The following CDH18 variants were observed in gnomAD, a reference collection of about 807,000 sequenced individuals.
CDH18 encodes the protein cadherin 18.
A neutral mutation model predicts 67.9 loss-of-function variants in CDH18; 31 were observed. The ratio of observed to expected loss-of-function variants is 0.46; its 90% CI spans 0.34 to 0.62. CDH18 has a LOEUF of 0.62. CDH18 is among the 20% of genes least tolerant of loss of function. CDH18 has a pLI of 0.01. For synonymous variants in CDH18, 362 were observed against 347.2 expected, an observed-to-expected ratio of 1.04 and a Z score of -0.48; for missense variants, 890 against 975.5, an observed-to-expected ratio of 0.91 and a Z score of 1.17.
At chr5:20,477,602 G>C (rs1373429708) in intron 1 of CDH18, among the ~76,000 whole-genome samples, 1 of 152,188 alleles carries the variant, frequency 6.6e-6, no homozygotes, top group Non-Finnish European at 1.5e-5. Flanking sequence ...CCTAGACAGA[G>C]GGGACTCTCC....
chr5:20,352,204 G>T (rs997924315), intron 1 of CDH18, among the ~76,000 whole-genome samples: 4 of 152,104 alleles, frequency 2.6e-5, no homozygotes, highest in Non-Finnish European at 5.9e-5. Context: ...CTTTCTTCTT[G>T]CTTGTCTTCC....
At chr5:19,969,911 C>T in intron 2 of CDH18, among the ~76,000 whole-genome samples, 1 of 152,012 alleles carries the variant, frequency 6.6e-6, no homozygotes, top group East Asian at 1.9e-4. Context: ...GTAATATAAA[C>T]ATTTAAAAAT....
intron 1 of CDH18, among the ~76,000 whole-genome samples, chr5:20,460,541 A>T (rs554641175): frequency 6.6e-6 from 1 of 152,268 alleles, no homozygotes; most frequent in East Asian, 1.9e-4. Flanking sequence ...TGTGCACACC[A>T]TTCTAGGCAG....
chr5:20,137,068 GCTCT>G (rs1561820083), intron 2 of CDH18, among the ~76,000 whole-genome samples: 1 of 152,016 alleles, frequency 6.6e-6, no homozygotes, highest in Non-Finnish European at 1.5e-5. Flanking sequence ...TCTTGGAGTT[GCTCT>G]TCTCAAGGAG....
intron 1 of CDH18, among the ~76,000 whole-genome samples, chr5:20,271,923 G>A (rs200001194): frequency 2.5e-5 from 2 of 81,348 alleles, no homozygotes; most frequent in Non-Finnish European, 2.7e-5. Context: ...CTGTAGAGAG[G>A]CAGAGAGAGA....
At chr5:20,154,120 T>G (rs1296970390) in intron 2 of CDH18, among the ~76,000 whole-genome samples, 1 of 152,184 alleles carries the variant, frequency 6.6e-6, no homozygotes, top group Admixed American at 6.6e-5. Flanking sequence ...GCCAGTACTC[T>G]TAACCTTGGA....
chr5:19,954,740 A>G (rs1038751429), intron 2 of CDH18, among the ~76,000 whole-genome samples: 1 of 152,094 alleles, frequency 6.6e-6, no homozygotes, highest in Non-Finnish European at 1.5e-5. Context: ...ATGCTTTCAA[A>G]TACAAACACA....
chr5:19,486,546 C>T (rs1276564066), intron 11 of CDH18, among the ~76,000 whole-genome samples: 1 of 152,136 alleles, frequency 6.6e-6, no homozygotes, highest in Non-Finnish European at 1.5e-5. Context: ...AATCCCAACG[C>T]TTTGGGAGGC....
intron 8 of CDH18, among the ~76,000 whole-genome samples, chr5:19,569,464 C>A (rs1235271599): frequency 6.6e-6 from 1 of 152,096 alleles, no homozygotes. Flanking sequence ...GCCACAGGGC[C>A]CAGGTATTTC....
intron 2 of CDH18, among the ~76,000 whole-genome samples, chr5:20,135,539 C>T (rs1256624840): frequency 1.3e-5 from 2 of 152,092 alleles, no homozygotes; most frequent in South Asian, 2.1e-4. Context: ...TTCCAAAAAA[C>T]CAGCTCCTAG....
intron 1 of CDH18, among the ~76,000 whole-genome samples, chr5:20,307,225 C>CT (rs949179651): frequency 1.3e-5 from 2 of 151,776 alleles, no homozygotes; most frequent in African/African-American, 4.8e-5. Context: ...ATCTTTTATT[C>CT]TAAGAGCAAT....
At chr5:20,277,476 C>T (rs1215660905) in intron 1 of CDH18, among the ~76,000 whole-genome samples, 1 of 152,138 alleles carries the variant, frequency 6.6e-6, no homozygotes, top group Non-Finnish European at 1.5e-5. Context: ...TGCAGATTGG[C>T]TGAAGTGACC....
chr5:20,369,053 T>C (rs1037099659), intron 1 of CDH18, among the ~76,000 whole-genome samples: 139 of 150,272 alleles, frequency 9.2e-4, no homozygotes, highest in African/African-American at 3.1e-3. Flanking sequence ...TAAATCTTTT[T>C]CTTCTTCTTC....
chr5:19,504,896 GGTTTCT>G (rs1743847369), intron 10 of CDH18, among the ~76,000 whole-genome samples: 1 of 151,846 alleles, frequency 6.6e-6, no homozygotes, highest in African/African-American at 2.4e-5. Flanking sequence ...GCCAGTTTAT[GGTTTCT>G]GTTATCACTG....
intron 1 of CDH18, among the ~76,000 whole-genome samples, chr5:20,264,081 C>T (rs1450068550): frequency 6.6e-6 from 1 of 151,980 alleles, no homozygotes; most frequent in Non-Finnish European, 1.5e-5. Context: ...CAAATGCAAT[C>T]AATTCAAATT....
chr5:20,143,290 G>A (rs1750386013), intron 2 of CDH18, among the ~76,000 whole-genome samples: 1 of 152,146 alleles, frequency 6.6e-6, no homozygotes, highest in African/African-American at 2.4e-5. Context: ...AATAACATAT[G>A]AATTGATTGA....
intron 5 of CDH18, among the ~76,000 whole-genome samples, chr5:19,666,261 A>ATTATTATTG (rs1757924570): frequency 6.9e-6 from 1 of 145,706 alleles, no homozygotes; most frequent in South Asian, 2.1e-4. Flanking sequence ...TATTATTATT[A>ATTATTATTG]TTATTATTAT....
chr5:19,735,556 C>T (rs947632322), intron 4 of CDH18, among the ~76,000 whole-genome samples: 8 of 152,016 alleles, frequency 5.3e-5, no homozygotes, highest in South Asian at 2.1e-4. Context: ...CCACCACGCC[C>T]GGCTAATTGT....
chr5:19,650,231 T>C (rs1260927175), intron 5 of CDH18, among the ~76,000 whole-genome samples: 2 of 151,962 alleles, frequency 1.3e-5, no homozygotes, highest in East Asian at 1.9e-4. Context: ...TTGCTTTCTA[T>C]GTAGTACACT....
Sources: gnomAD v4.1 joint callset for allele counts (sites outside exome capture counted in the v4.1 genomes callset) on GRCh38, gnomAD v4.1.1 for gene constraint, MANE v1.5 for transcripts, NCBI Gene and HGNC (gene_info 2026-07-23, HGNC 2026-07-21) for gene names.